The following PTPRN2 variants were observed in gnomAD, a reference collection of about 807,000 sequenced individuals.
The protein encoded by PTPRN2 is receptor-type tyrosine-protein phosphatase N2.
PTPRN2 carries 74 observed loss-of-function variants against 118.8 expected under a neutral mutation model. That is an observed-to-expected ratio of 0.62 (90% CI 0.52 to 0.76). The LOEUF is 0.76. Among genes scored for constraint, PTPRN2 ranks in the 30% least tolerant of loss-of-function variants. The probability of loss-of-function intolerance (pLI) is 0.00; values close to 1 mark genes in which losing one functional copy is unlikely to be tolerated. For synonymous variants in PTPRN2, 641 were observed against 608.0 expected, an observed-to-expected ratio of 1.05 and a Z score of -0.80; for missense variants, 1,481 against 1,394.4, an observed-to-expected ratio of 1.06 and a Z score of -0.99.
chr7:157,908,661 A>G (rs940284760), intron 11 of PTPRN2, among the ~76,000 whole-genome samples: 1 of 152,238 alleles, frequency 6.6e-6, no homozygotes, highest in Admixed American at 6.5e-5. Flanking sequence ...CAGCAACTGC[A>G]GGGATCTCAG....
rs144988879 is a variant in PTPRN2, at chr7:157,628,648, G to T, written c.2197-7139C>A. Among the ~76,000 whole-genome samples, 26 of 152,320 alleles carry T rather than the reference G, an allele frequency of 1.7e-4. No individual in the cohort carries two copies. In the East Asian group the frequency reaches 5.0e-3, roughly 29 times the overall value. On this transcript the variant is annotated intron_variant, in intron 14 of 22. Coordinates refer to ENST00000389418, the MANE Select transcript of PTPRN2 (RefSeq NM_002847.5). ...AACCTGGTCATCACAGCTCACAGGG[G>T]AGAGCCAGAGTCTATGTTCCCAAGG...
chr7:158,259,934 T>A (rs1053950351), intron 3 of PTPRN2, among the ~76,000 whole-genome samples: 1 of 144,916 alleles, frequency 6.9e-6, no homozygotes, highest in African/African-American at 2.7e-5. Context: ...TGTGTCCATG[T>A]GTCTCTGGTA....
At chr7:158,459,296 C>T (rs1406602773) in intron 2 of PTPRN2, among the ~76,000 whole-genome samples, 2 of 152,028 alleles carry the variant, frequency 1.3e-5, no homozygotes, top group African/African-American at 4.8e-5. Flanking sequence ...GCCCCCACTG[C>T]CTGGGATGAA....
At chr7:157,896,681 T>C (rs1797146184) in intron 12 of PTPRN2, among the ~76,000 whole-genome samples, 1 of 152,082 alleles carries the variant, frequency 6.6e-6, no homozygotes, top group Non-Finnish European at 1.5e-5. Context: ...GGGGAGGTGC[T>C]GTCCCCCAGG....
At chr7:158,171,344 T>TATATAC (rs1390940506) in intron 5 of PTPRN2, among the ~76,000 whole-genome samples, 1 of 122,324 alleles carries the variant, frequency 8.2e-6, no homozygotes, top group African/African-American at 3.7e-5. Flanking sequence ...TATATATATA[T>TATATAC]ATATACACAC....
At chr7:158,404,099 A>G (rs1813162198) in intron 2 of PTPRN2, among the ~76,000 whole-genome samples, 1 of 152,222 alleles carries the variant, frequency 6.6e-6, no homozygotes, top group African/African-American at 2.4e-5. Context: ...GACTTTCTAT[A>G]ATAAAAGGTA....
chr7:157,643,619 T>A (rs1279827120), intron 14 of PTPRN2, among the ~76,000 whole-genome samples: 1 of 152,212 alleles, frequency 6.6e-6, no homozygotes, highest in Non-Finnish European at 1.5e-5. Flanking sequence ...TGGCTGTGAC[T>A]GCTCCCCCGA....
intron 2 of PTPRN2, among the ~76,000 whole-genome samples, chr7:158,475,985 C>A (rs1412724609): frequency 2.6e-5 from 4 of 152,170 alleles, no homozygotes; most frequent in Non-Finnish European, 5.9e-5. Flanking sequence ...ATCATACTTA[C>A]TACGATTTGT....
intron 12 of PTPRN2, among the ~76,000 whole-genome samples, chr7:157,727,478 C>T (rs1799663619): frequency 6.6e-6 from 1 of 152,066 alleles, no homozygotes; most frequent in African/African-American, 2.4e-5. Flanking sequence ...TGTGAGGTCC[C>T]TGGAGTCATC....
chr7:157,907,798 G>A (rs1356956455), intron 11 of PTPRN2, among the ~76,000 whole-genome samples: 4 of 152,118 alleles, frequency 2.6e-5, no homozygotes. Flanking sequence ...GCCCCCATGT[G>A]CTGTGTTCAG....
At chr7:158,340,331 C>A (rs1471394062) in intron 2 of PTPRN2, among the ~76,000 whole-genome samples, 1 of 101,658 alleles carries the variant, frequency 9.8e-6, no homozygotes, top group African/African-American at 3.7e-5. Context: ...TCACTCACAC[C>A]CACACTGTCA....
chr7:157,631,745 CG>C (rs1457412864), intron 14 of PTPRN2, among the ~76,000 whole-genome samples: 1 of 151,228 alleles, frequency 6.6e-6, no homozygotes, highest in African/African-American at 2.4e-5. Flanking sequence ...GGCAGGAGAA[CG>C]GCGTGAACCC....
At chr7:157,777,708 A>T (rs1190507913) in intron 12 of PTPRN2, among the ~76,000 whole-genome samples, 1 of 152,248 alleles carries the variant, frequency 6.6e-6, no homozygotes, top group Non-Finnish European at 1.5e-5. Flanking sequence ...GACATAATTC[A>T]GCGAACTTCA....
chr7:158,365,004 C>T (rs1405411168), intron 2 of PTPRN2, among the ~76,000 whole-genome samples: 2 of 152,158 alleles, frequency 1.3e-5, no homozygotes, highest in Admixed American at 6.5e-5. Context: ...CGCATGTGCA[C>T]ACACAACACA....
rs200814066 is a variant in PTPRN2 at position 157,775,137 on chromosome 7, C to T, written c.1789-92200G>A. On this transcript the variant is annotated intron_variant, in intron 12 of 22. Coordinates refer to ENST00000389418, the MANE Select transcript of PTPRN2 (RefSeq NM_002847.5). ...CATGAAAACGCGAACAGTCTCGGAA[C>T]GCCTCACTCCGTCACGGCAGTGTAG... Among the ~76,000 whole-genome samples, 16 of 152,298 alleles carry T rather than the reference C, an allele frequency of 1.1e-4. No homozygotes were observed. In the East Asian group the frequency reaches 1.5e-3, roughly 15 times the overall value.
intron 11 of PTPRN2, among the ~76,000 whole-genome samples, chr7:158,060,578 G>A (rs565276784): frequency 6.6e-6 from 1 of 152,288 alleles, no homozygotes; most frequent in South Asian, 2.1e-4. Flanking sequence ...TCCTCTTATT[G>A]ACATCTGCAA....
At chr7:158,270,935 TGGACCACCC>T (rs1798413711) in intron 3 of PTPRN2, among the ~76,000 whole-genome samples, 2 of 16,430 alleles carry the variant, frequency 1.2e-4, no homozygotes, top group African/African-American at 6.6e-4. Context: ...CCCCCCCACC[TGGACCACCC>T]CCCCACCTGG....
rs373665617 is a variant in PTPRN2 at position 158,066,988 on chromosome 7, AGTT to A, written c.1723+14307_1723+14309del. On this transcript the variant is annotated intron_variant, in intron 11 of 22. Transcript: ENST00000389418. The stretch of plus-strand genomic sequence containing the variant: ...TCCCACAAAAATTACAGTAGGGAGT[AGTT>A]ATAGGTTGAAAGGTTAGAGCTGGGG... 5.1e-4 allele frequency among the ~76,000 whole-genome samples: 78 copies of A among 152,320 alleles called. 1 individual carries two copies. The East Asian group carries it at 0.013, about 26-fold the overall frequency.
intron 12 of PTPRN2, among the ~76,000 whole-genome samples, chr7:157,817,282 G>A (rs1806472039): frequency 6.6e-6 from 1 of 152,226 alleles, no homozygotes; most frequent in Admixed American, 6.5e-5. Context: ...CTGGGGGTCT[G>A]TGTGTCTTAT....
Sources: gnomAD v4.1 joint callset for allele counts (sites outside exome capture counted in the v4.1 genomes callset) on GRCh38, gnomAD v4.1.1 for gene constraint, MANE v1.5 for transcripts, NCBI Gene and HGNC (gene_info 2026-07-23, HGNC 2026-07-21) for gene names.